The following FTCD variants were observed in gnomAD, a reference collection of about 807,000 sequenced individuals.
FTCD encodes the protein formimidoyltransferase-cyclodeaminase.
Under a neutral mutation model 62.9 loss-of-function variants are expected in FTCD, and 76 were observed. The ratio of observed to expected loss-of-function variants is 1.21; its 90% confidence interval spans 1.00 to 1.46. FTCD has a LOEUF of 1.46. Among genes scored for constraint, FTCD ranks in the 40% most tolerant of loss-of-function variants. The pLI is 0.00. For missense variants in FTCD, 845 were observed against 751.3 expected (o/e 1.12, Z -1.46); for synonymous variants, 397 against 336.9 (o/e 1.18, Z -1.95).
At chr21:46,151,440 G>T in intron 5 of FTCD, 118 bp downstream of exon 5, 1 of 938,414 alleles carries the variant, frequency 1.1e-6, no homozygotes, top group Non-Finnish European at 1.7e-6. Context: ...CAGGTGGGAG[G>T]CCGAACCCTG....
In FTCD at chr21:46,137,092, G is replaced by C. The variant is rs1242665756; in HGVS notation, c.1540-19C>G. ...GGTGGATCTGATGGACACAGGGAAA[G>C]AGGGGTCTGGTAGTTCCAGTCTTCA... On this transcript the variant is annotated intron_variant, in intron 13 of 13. Coordinates refer to ENST00000397746, the MANE Select transcript of FTCD (RefSeq NM_206965.2). 6.2e-7 allele frequency: 1 copy of C among 1,613,724 alleles called. No homozygotes were observed. Among genetic ancestry groups the C allele is most frequent in the South Asian group, 1.1e-5 (1 of 91,084 alleles).
chr21:46,155,144 G>A (rs947226804), intron 1 of FTCD, among the ~76,000 whole-genome samples: 1 of 152,216 alleles, frequency 6.6e-6, no homozygotes, highest in Non-Finnish European at 1.5e-5. Flanking sequence ...GTCAGTGGCA[G>A]GAGCCCCATT....
At chr21:46,141,823 T>G (rs1241917213) in intron 10 of FTCD, among the ~76,000 whole-genome samples, 1 of 152,232 alleles carries the variant, frequency 6.6e-6, no homozygotes, top group East Asian at 1.9e-4. Context: ...TAAAAACCAC[T>G]GCTAAATGTA....
intron 10 of FTCD, chr21:46,142,424 G>A (rs376158062): frequency 9.2e-5 from 14 of 151,428 alleles, no homozygotes; most frequent in East Asian, 2.0e-4. Flanking sequence ...TGAGCGTTAA[G>A]CTCTTACAGG....
At position 46,136,987 on chromosome 21, in the gene FTCD, T is replaced by TCA. The variant is rs1157602004; in HGVS notation, c.1624_1625dup (p.Ter542CysfsTer24). On this transcript the variant is annotated frameshift_variant and stop_lost, in exon 14 of 14. Coordinates refer to ENST00000397746, the MANE Select transcript of FTCD (RefSeq NM_206965.2). LOFTEE classifies it high-confidence loss of function. Reference sequence around the variant, plus strand: ...GAGCCCGGAGAGGCCTCCCGCACCGTCACTCCTGCCGGGTCTCCAAGCAGT... The same window carrying TCA: ...GAGCCCGGAGAGGCCTCCCGCACCGTCACACTCCTGCCGGGTCTCCAAGCAGT... 6.2e-7 allele frequency: 1 copy of TCA among 1,612,972 alleles called. No individual in the cohort carries two copies. The highest frequency in any genetic ancestry group is 8.5e-7 in the Non-Finnish European group (1 of 1,179,974).
intron 7 of FTCD, 55 bp downstream of exon 7, chr21:46,150,064 C>A: frequency 6.5e-7 from 1 of 1,538,580 alleles, no homozygotes; most frequent in Non-Finnish European, 8.9e-7. Context: ...CCGCCACCGC[C>A]TCCCCACCCT....
At chr21:46,153,949 C>G (rs144401725) in intron 2 of FTCD, among the ~76,000 whole-genome samples, 200 bp downstream of exon 2, 3,044 of 152,266 alleles carry the variant, frequency 0.02, 48 homozygotes, top group Middle Eastern at 0.051. Flanking sequence ...TGGGGGTCCC[C>G]CAGAGCACAG....
At chr21:46,153,876 G>C (rs903392472) in intron 2 of FTCD, among the ~76,000 whole-genome samples, 1 of 152,324 alleles carries the variant, frequency 6.6e-6, no homozygotes, top group Middle Eastern at 3.4e-3. Context: ...AACCTTCCCC[G>C]GCGTGGCCCC....
intron 5 of FTCD, 48 bp from the exon 6 acceptor site, chr21:46,150,573 C>T (rs1050365551): frequency 6.3e-7 from 1 of 1,598,974 alleles, no homozygotes; most frequent in East Asian, 2.2e-5. Context: ...GCTCATCCTG[C>T]CTGGCCCTGC....
intron 10 of FTCD, among the ~76,000 whole-genome samples, chr21:46,141,303 A>T (rs77658519): frequency 3.6e-4 from 52 of 142,770 alleles, no homozygotes; most frequent in African/African-American, 9.3e-4. Flanking sequence ...GCCTGGCTTT[A>T]TTTTTTTTTT....
intron 7 of FTCD, among the ~76,000 whole-genome samples, chr21:46,148,244 C>G (rs1221578850): frequency 6.6e-6 from 1 of 152,174 alleles, no homozygotes; most frequent in African/African-American, 2.4e-5. Flanking sequence ...AGTGACGGGT[C>G]CACGTCGGCA....
At chr21:46,146,437 A>G (rs2079149742) in intron 7 of FTCD, 110 bp from the exon 8 acceptor site, 1 of 774,944 alleles carries the variant, frequency 1.3e-6, no homozygotes, top group Admixed American at 2.0e-5. Context: ...CCCCGAGCAC[A>G]CAGGTGCTTT....
intron 9 of FTCD, 110 bp downstream of exon 9, chr21:46,145,708 C>T: frequency 2.9e-6 from 2 of 684,906 alleles, no homozygotes; most frequent in East Asian, 3.0e-5. Context: ...CCACCCAGGG[C>T]GGCCCCACCG....
intron 10 of FTCD, among the ~76,000 whole-genome samples, chr21:46,139,586 T>C (rs1409246665): frequency 6.6e-6 from 1 of 151,912 alleles, no homozygotes; most frequent in Non-Finnish European, 1.5e-5. Context: ...TCTTGGAAGA[T>C]TCAGCCAACT....
chr21:46,146,270 T>C lies in FTCD; in HGVS notation c.964A>G (p.Ile322Val), dbSNP rs774886831. The C allele has an allele frequency of 6.3e-7, 1 of 1,599,164 alleles. No homozygotes were observed. Among genetic ancestry groups the C allele is most frequent in the Non-Finnish European group, 8.5e-7 (1 of 1,171,116 alleles). ...LCPFSPKERI[I>V]EYLVPERGPE... The stretch of plus-strand genomic sequence containing the variant: ...GGCGGGAGGGCAGAGGCTCACTCGA[T>C]GATCCGCTCCTTAGGGCTGAAGGGG... Residue 322 changes from isoleucine to valine, a missense_variant, in exon 8 of 14, where the codon ATC (isoleucine) becomes GTC (valine). Physicochemically the swap from Ile to Val is conservative, Grantham distance 29. Transcript: ENST00000397746.
In FTCD at chr21:46,155,456, T is replaced by C; in HGVS notation, c.54+14A>G. 1 of 1,608,600 alleles carries C rather than the reference T, an allele frequency of 6.2e-7. No individual in the cohort carries two copies. Among genetic ancestry groups the C allele is most frequent in the Non-Finnish European group, 8.5e-7 (1 of 1,175,936 alleles). On this transcript the variant is annotated intron_variant, in intron 1 of 13. Transcript: ENST00000397746. ...CATCAGCCCTAGATGCTTGACCAGCTCCTCGGGCCTCACCTCCTGGTTCTT... is the reference window on the plus strand; with the variant it reads ...CATCAGCCCTAGATGCTTGACCAGCCCCTCGGGCCTCACCTCCTGGTTCTT...
downstream of FTCD, chr21:46,136,415 C>G: frequency 6.2e-7 from 1 of 1,611,384 alleles, no homozygotes; most frequent in Non-Finnish European, 8.5e-7. Flanking sequence ...CTCTGTGGAA[C>G]TGTCCAGACC....
At chr21:46,141,586 T>C (rs1049180037) in intron 10 of FTCD, among the ~76,000 whole-genome samples, 3 of 151,908 alleles carry the variant, frequency 2.0e-5, no homozygotes, top group Non-Finnish European at 4.4e-5. Flanking sequence ...ACCCAAAAAA[T>C]ATAAAGTCAG....
intron 1 of FTCD, among the ~76,000 whole-genome samples, chr21:46,154,920 G>A (rs2079394469): frequency 6.6e-6 from 1 of 152,240 alleles, no homozygotes; most frequent in Non-Finnish European, 1.5e-5. Flanking sequence ...CTTAGGGCCT[G>A]CGTTTGTTCC....
Sources: allele counts gnomAD v4.1 joint callset (sites outside exome capture counted in the v4.1 genomes callset), GRCh38; gene constraint gnomAD v4.1.1; transcripts MANE v1.5; gene names NCBI Gene and HGNC (gene_info 2026-07-23, HGNC 2026-07-21).